Variants in VPS54 observed in about 807,000 individuals in gnomAD.
VPS54 encodes vacuolar protein sorting-associated protein 54.
Under a neutral mutation model 121.5 loss-of-function variants are expected in VPS54, and 45 were observed. The observed-to-expected ratio is 0.37, with a 90% CI of 0.29 to 0.47. The LOEUF is 0.47. VPS54 is among the 20% of genes least tolerant of loss of function. The probability of loss-of-function intolerance (pLI) is 0.99; values close to 1 mark genes in which losing one functional copy is unlikely to be tolerated. For synonymous variants in VPS54, 371 were observed against 385.8 expected, an observed-to-expected ratio of 0.96 and a Z score of 0.45; for missense variants, 1,090 against 1,131.4, an observed-to-expected ratio of 0.96 and a Z score of 0.52.
chr2:63,988,539 C>T (rs1015187859), intron 1 of VPS54, among the ~76,000 whole-genome samples: 1 of 152,114 alleles, frequency 6.6e-6, no homozygotes, highest in Non-Finnish European at 1.5e-5. Flanking sequence ...TTTGTTAGTT[C>T]TCCAAATTAA....
intron 20 of VPS54, among the ~76,000 whole-genome samples, chr2:63,901,271 T>C (rs1386202412): frequency 6.6e-6 from 1 of 152,140 alleles, no homozygotes; most frequent in Non-Finnish European, 1.5e-5. Context: ...TTCCAAAGAC[T>C]GAAAAGGCCC....
intron 3 of VPS54, among the ~76,000 whole-genome samples, chr2:63,976,173 C>T (rs1328413241): frequency 6.6e-6 from 1 of 151,964 alleles, no homozygotes; most frequent in Admixed American, 6.6e-5. Flanking sequence ...AAAACCCCGT[C>T]ACTACAAAAT....
At chr2:63,948,497 A>G (rs1015068622) in intron 8 of VPS54, among the ~76,000 whole-genome samples, 5 of 149,742 alleles carry the variant, frequency 3.3e-5, no homozygotes, top group Admixed American at 2.0e-4. Context: ...CCTGGACTCA[A>G]GTGATCCTCT....
chr2:63,934,063 T>C, intron 11 of VPS54, 50 bp from the exon 12 acceptor site: 1 of 1,485,406 alleles, frequency 6.7e-7, no homozygotes, highest in South Asian at 1.3e-5. Flanking sequence ...GTCTCTTACC[T>C]GAAGTTCCCA....
At position 63,920,617 on chromosome 2, in the gene VPS54, A is replaced by C; in HGVS notation, c.1880T>G (p.Leu627Arg). 6.7e-7 allele frequency: 1 copy of C among 1,494,446 alleles called. No individual in the cohort carries two copies. Among genetic ancestry groups the C allele is most frequent in the Non-Finnish European group, 8.9e-7 (1 of 1,122,580 alleles). The allele number at this position is 1,494,446 out of a possible 1,614,324, so 92.6% of individuals were successfully genotyped here. A position where few individuals can be genotyped will look rare whatever the true frequency, so the allele number is the denominator to read the frequency against. Residue 627 changes from leucine to arginine, a missense_variant, in exon 14 of 23, where the codon CTT becomes CGT. Leu to Arg is a moderately radical substitution (Grantham distance 102, BLOSUM62 -2). This residue lies in a region of VPS54 where 801 missense variants were observed against 757.0 expected (regional missense o/e 1.06). Coordinates refer to ENST00000272322, the MANE Select transcript of VPS54 (RefSeq NM_016516.3). ...FLMSRAKDGF[L>R]EKLNSMEFIT... ...GAATTCCATGGAATTTAGCTTCTCA[A>C]GAAAACCATCCTAAATTTTAATACA... is the stretch of plus-strand genomic sequence containing the variant.
At chr2:63,948,402 A>T (rs1188483395) in intron 8 of VPS54, among the ~76,000 whole-genome samples, 1 of 146,108 alleles carries the variant, frequency 6.8e-6, no homozygotes, top group Non-Finnish European at 1.5e-5. Flanking sequence ...TATGATAATG[A>T]TCACTTTTTC....
chr2:63,913,192 C>T (rs1673229228), intron 18 of VPS54, 31 bp downstream of exon 18: 2 of 1,576,830 alleles, frequency 1.3e-6, no homozygotes, highest in Non-Finnish European at 1.7e-6. Flanking sequence ...GTTAACACTT[C>T]AGCAAGTGAA....
At chr2:63,958,852 A>T (rs1187503621) in intron 7 of VPS54, among the ~76,000 whole-genome samples, 1 of 152,210 alleles carries the variant, frequency 6.6e-6, no homozygotes, top group East Asian at 1.9e-4. Context: ...CTACTGAAAG[A>T]TTTCTTATTT....
At chr2:64,009,911 G>A (rs951993634) in intron 1 of VPS54, among the ~76,000 whole-genome samples, 1 of 150,966 alleles carries the variant, frequency 6.6e-6, no homozygotes, top group African/African-American at 2.4e-5. Context: ...GCGTGATCTC[G>A]GCTCACTGCA....
In VPS54 at chr2:63,918,369, ATATCC is replaced by A. The variant is rs796463226; in HGVS notation, c.2165-1411_2165-1407del. On this transcript the variant is annotated intron_variant, in intron 15 of 22. Coordinates refer to ENST00000272322, the MANE Select transcript of VPS54 (RefSeq NM_016516.3). ...CATGAGCTGTTCAGGGACAGAAAAC[ATATCC>A]TAGTCATCTAGCACAGCACCTCACA... Among the ~76,000 whole-genome samples the A allele has an allele frequency of 3.9e-5, 6 of 152,118 alleles. 1 individual carries two copies. The highest frequency in any genetic ancestry group is 1.4e-4 in the African/African-American group (6 of 41,562).
chr2:63,902,141 T>TA (rs1379856636), intron 20 of VPS54, among the ~76,000 whole-genome samples: 1 of 152,200 alleles, frequency 6.6e-6, no homozygotes, highest in Non-Finnish European at 1.5e-5. Flanking sequence ...AGGCCAGGGA[T>TA]ACAGGCTCTA....
chr2:63,948,251 T>C (rs1303151391), intron 8 of VPS54, among the ~76,000 whole-genome samples: 1 of 148,648 alleles, frequency 6.7e-6, no homozygotes, highest in African/African-American at 2.4e-5. Context: ...GTTTCTGGGA[T>C]TTTTTACTAG....
At chr2:63,965,341 T>G (rs1193626224) in intron 6 of VPS54, among the ~76,000 whole-genome samples, 1 of 152,068 alleles carries the variant, frequency 6.6e-6, no homozygotes, top group African/African-American at 2.4e-5. Context: ...CCAAGCATGG[T>G]GGCACGCACC....
intron 1 of VPS54, among the ~76,000 whole-genome samples, chr2:64,015,443 A>T (rs1421291630): frequency 6.6e-6 from 1 of 152,126 alleles, no homozygotes; most frequent in East Asian, 1.9e-4. Context: ...CTATTCTCCC[A>T]CCTGGTAGGA....
At chr2:64,009,304 GATACT>G (rs1302533231) in intron 1 of VPS54, among the ~76,000 whole-genome samples, 1 of 151,800 alleles carries the variant, frequency 6.6e-6, no homozygotes, top group Non-Finnish European at 1.5e-5. Context: ...AAAGAAAAAA[GATACT>G]ATACATTTTC....
rs1054154300 is a variant in VPS54, at chr2:63,937,669, GC to G, written c.1399-3657del. On this transcript the variant is annotated intron_variant, in intron 11 of 22. Transcript: ENST00000272322. Reference sequence around the variant, plus strand: ...TGACAAAAATAAGAACTAAAAGGGGGCCTCAGAGAGATATTTGCATATGCAT... The same window carrying G: ...TGACAAAAATAAGAACTAAAAGGGGGCTCAGAGAGATATTTGCATATGCAT... Among the ~76,000 whole-genome samples, 43 of 152,122 alleles carry G rather than the reference GC, an allele frequency of 2.8e-4. 1 individual carries two copies. The highest frequency in any genetic ancestry group is 3.4e-3 in the Middle Eastern group (1 of 294).
At chr2:64,012,691 CAA>C (rs1202577558) in intron 1 of VPS54, among the ~76,000 whole-genome samples, 55 of 135,888 alleles carry the variant, frequency 4.0e-4, no homozygotes, top group Non-Finnish European at 3.5e-4. Context: ...ATCGGCCCAT[CAA>C]AAAAAAAAAA....
At chr2:63,975,139 G>A (rs1676465937) in intron 3 of VPS54, 2 of 984,278 alleles carry the variant, frequency 2.0e-6, no homozygotes, top group African/African-American at 1.6e-5. Flanking sequence ...TCCACCTCCT[G>A]GGTCCAAGTG....
chr2:63,921,163 A>G lies in VPS54; in HGVS notation c.1869+43T>C, dbSNP rs754850909. 11 of 1,549,840 alleles carry G rather than the reference A, an allele frequency of 7.1e-6. No homozygotes were observed. In the South Asian group the frequency reaches 7.5e-5, roughly 11 times the overall value. ...AAAGACATAATTCCAGATCTTCAAA[A>G]TTATTACGTATAAAATATATAAAGC... On this transcript the variant is annotated intron_variant, in intron 13 of 22. Coordinates refer to ENST00000272322, the MANE Select transcript of VPS54 (RefSeq NM_016516.3).
Sources: gnomAD v4.1 joint callset for allele counts (sites outside exome capture counted in the v4.1 genomes callset) on GRCh38, gnomAD v4.1.1 for gene constraint, gnomAD v4.1.1 regional missense constraint, MANE v1.5 for transcripts, NCBI Gene and HGNC (gene_info 2026-07-23, HGNC 2026-07-21) for gene names.